CNTNAP2: variants seen among roughly 807,000 people sequenced by gnomAD.
CNTNAP2 encodes contactin-associated protein-like 2.
In CNTNAP2, 98 loss-of-function variants were observed where a neutral mutation model predicts 155.2. That is an observed-to-expected ratio of 0.63 (90% CI 0.54 to 0.75). The LOEUF (loss-of-function observed/expected upper bound fraction) is 0.75. Among genes scored for constraint, CNTNAP2 ranks in the 30% least tolerant of loss-of-function variants. CNTNAP2 has a pLI of 0.00. For missense variants in CNTNAP2, 1,727 were observed against 1,688.1 expected (o/e 1.02, Z -0.40); for synonymous variants, 651 against 631.2 (o/e 1.03, Z -0.47).
At chr7:146,698,024 C>T (rs1421483476) in intron 1 of CNTNAP2, among the ~76,000 whole-genome samples, 2 of 151,966 alleles carry the variant, frequency 1.3e-5, no homozygotes, top group East Asian at 3.9e-4. Context: ...TGCAATAATC[C>T]AAGTCCACTT....
chr7:147,464,156 T>C (rs1252318429), intron 10 of CNTNAP2, among the ~76,000 whole-genome samples: 1 of 152,034 alleles, frequency 6.6e-6, no homozygotes, highest in Non-Finnish European at 1.5e-5. Flanking sequence ...CTGTAACTTA[T>C]GACAATTCTG....
intron 18 of CNTNAP2, among the ~76,000 whole-genome samples, chr7:148,197,267 G>C (rs113913366): frequency 1.3e-5 from 2 of 152,100 alleles, no homozygotes; most frequent in African/African-American, 4.8e-5. Context: ...TTCTTGATTA[G>C]AACCCAGTTT....
intron 15 of CNTNAP2, among the ~76,000 whole-genome samples, chr7:148,059,742 C>CTA (rs1803097642): frequency 6.7e-6 from 1 of 148,516 alleles, no homozygotes; most frequent in South Asian, 2.1e-4. Flanking sequence ...CATATTTATA[C>CTA]TATACATATA....
At chr7:147,647,291 G>T (rs547441098) in intron 13 of CNTNAP2, among the ~76,000 whole-genome samples, 2 of 151,354 alleles carry the variant, frequency 1.3e-5, no homozygotes, top group Non-Finnish European at 2.9e-5. Context: ...GTGAGCCACC[G>T]CGCCCGGCCA....
chr7:147,133,935 A>G (rs1801427812), intron 8 of CNTNAP2, among the ~76,000 whole-genome samples: 1 of 152,088 alleles, frequency 6.6e-6, no homozygotes, highest in Non-Finnish European at 1.5e-5. Flanking sequence ...ACATTCGTTT[A>G]TAAGTATACC....
intron 19 of CNTNAP2, 75 bp from the exon 20 acceptor site, chr7:148,229,571 A>T: frequency 6.6e-7 from 1 of 1,505,980 alleles, no homozygotes; most frequent in African/African-American, 1.4e-5. Context: ...ATCTAAGAGC[A>T]GGAATTGAGG....
intron 1 of CNTNAP2, among the ~76,000 whole-genome samples, chr7:146,602,721 C>T (rs1254339305): frequency 6.6e-6 from 1 of 152,138 alleles, no homozygotes; most frequent in Non-Finnish European, 1.5e-5. Flanking sequence ...ATACTAAAGT[C>T]TATTAAGAAT....
At chr7:147,601,212 C>T (rs1453763780) in intron 12 of CNTNAP2, among the ~76,000 whole-genome samples, 1 of 152,048 alleles carries the variant, frequency 6.6e-6, no homozygotes, top group Admixed American at 6.6e-5. Flanking sequence ...CACTGGCGTC[C>T]CTGTGAAGAG....
At chr7:146,571,702 C>T (rs1408379829) in intron 1 of CNTNAP2, among the ~76,000 whole-genome samples, 1 of 150,462 alleles carries the variant, frequency 6.6e-6, no homozygotes, top group Non-Finnish European at 1.5e-5. Flanking sequence ...GTTGCATAGG[C>T]ATTTAAACAT....
chr7:147,757,229 T>C (rs1057160261), intron 13 of CNTNAP2, among the ~76,000 whole-genome samples: 2 of 152,216 alleles, frequency 1.3e-5, no homozygotes, highest in African/African-American at 4.8e-5. Context: ...TAGTCATTTG[T>C]TCTTCCACTC....
chr7:147,165,126 T>G (rs201196206), intron 8 of CNTNAP2, among the ~76,000 whole-genome samples: 1 of 151,630 alleles, frequency 6.6e-6, no homozygotes, highest in East Asian at 1.9e-4. Flanking sequence ...TCCAACATCC[T>G]TTTATCAAAA....
At chr7:146,393,804 T>C (rs531865440) in intron 1 of CNTNAP2, among the ~76,000 whole-genome samples, 2 of 152,130 alleles carry the variant, frequency 1.3e-5, no homozygotes, top group African/African-American at 4.8e-5. Flanking sequence ...GGTGAATACA[T>C]AAAAATTTAT....
intron 20 of CNTNAP2, among the ~76,000 whole-genome samples, chr7:148,239,250 T>C (rs911047858): frequency 1.3e-5 from 2 of 152,222 alleles, no homozygotes; most frequent in Non-Finnish European, 2.9e-5. Flanking sequence ...TGGCTCTCTA[T>C]TGGGATTCTT....
intron 1 of CNTNAP2, among the ~76,000 whole-genome samples, chr7:146,740,876 G>A (rs1801704183): frequency 6.6e-6 from 1 of 152,210 alleles, no homozygotes; most frequent in African/African-American, 2.4e-5. Flanking sequence ...CAGTTGTGTA[G>A]GCCAGAGATA....
chr7:147,905,735 T>C (rs898133953), intron 14 of CNTNAP2, among the ~76,000 whole-genome samples: 2 of 151,942 alleles, frequency 1.3e-5, no homozygotes, highest in African/African-American at 4.8e-5. Flanking sequence ...ATAGAAAAAA[T>C]TAGCCGGGCA....
At chr7:148,400,979 CAAA>C (rs59013618) in intron 22 of CNTNAP2, among the ~76,000 whole-genome samples, 3 of 109,950 alleles carry the variant, frequency 2.7e-5, no homozygotes, top group Non-Finnish European at 6.1e-5. Flanking sequence ...GACTCCGCCT[CAAA>C]AAAAAAAAAA....
chr7:146,218,748 T>C (rs1799157987), intron 1 of CNTNAP2, among the ~76,000 whole-genome samples: 1 of 152,026 alleles, frequency 6.6e-6, no homozygotes, highest in Non-Finnish European at 1.5e-5. Flanking sequence ...TTAATTTAAA[T>C]TTAAATAGCC....
At chr7:147,341,070 T>TTGTGTGTGTG (rs61319652) in intron 9 of CNTNAP2, among the ~76,000 whole-genome samples, 4,758 of 148,790 alleles carry the variant, frequency 0.032, 162 homozygotes, top group African/African-American at 0.082. Context: ...CATTGTGTGT[T>TTGTGTGTGTG]TGTGTGTGTG....
Position 146,334,275 on chromosome 7 carries a change from C to A in CNTNAP2, c.97+217302C>A, listed in dbSNP as rs371455100. Among the ~76,000 whole-genome samples the A allele has an allele frequency of 6.1e-4, 92 of 152,038 alleles. 1 individual carries two copies. Among genetic ancestry groups the A allele is most frequent in the African/African-American group, 2.1e-3 (89 of 41,500 alleles). Reference sequence around the variant, plus strand: ...TGAAACCCCGTCTCTACTAAAAATACCAAAAATGAGCTGGGCGTGGTGGCA... The same window carrying A: ...TGAAACCCCGTCTCTACTAAAAATAACAAAAATGAGCTGGGCGTGGTGGCA... On this transcript the variant is annotated intron_variant, in intron 1 of 23. Coordinates refer to ENST00000361727, the MANE Select transcript of CNTNAP2 (RefSeq NM_014141.6).
Sources: gnomAD v4.1 joint callset for allele counts (sites outside exome capture counted in the v4.1 genomes callset) on GRCh38, gnomAD v4.1.1 for gene constraint, MANE v1.5 for transcripts, NCBI Gene and HGNC (gene_info 2026-07-23, HGNC 2026-07-21) for gene names.